Variants in GRAMD2B observed in about 807,000 individuals in gnomAD.
GRAMD2B encodes GRAM domain-containing protein 2B.
A neutral mutation model predicts 59.2 loss-of-function variants in GRAMD2B; 41 were observed. That is an observed-to-expected ratio of 0.69 (90% CI 0.54 to 0.90). The LOEUF (loss-of-function observed/expected upper bound fraction) is 0.90, where lower values mean the gene tolerates loss of function less well. Ranked by LOEUF, GRAMD2B falls within the 40% of genes least tolerant of loss-of-function variation. GRAMD2B has a pLI of 0.00. For missense variants in GRAMD2B, 424 were observed against 500.5 expected (o/e 0.85, Z 1.46); for synonymous variants, 161 against 182.7 (o/e 0.88, Z 0.96).
intron 1 of GRAMD2B, among the ~76,000 whole-genome samples, chr5:126,418,009 T>C (rs1050786289): frequency 2.6e-5 from 4 of 152,114 alleles, no homozygotes; most frequent in African/African-American, 7.2e-5. Flanking sequence ...GCAGGCCAAA[T>C]AGAAATTAAG....
intron 1 of GRAMD2B, among the ~76,000 whole-genome samples, chr5:126,417,657 T>C (rs1474700465): frequency 6.6e-6 from 1 of 152,236 alleles, no homozygotes; most frequent in East Asian, 1.9e-4. Flanking sequence ...TTGAGGTGGT[T>C]AGTTGTACAC....
chr5:126,395,112 T>A (rs546264634), intron 1 of GRAMD2B, among the ~76,000 whole-genome samples: 3 of 152,296 alleles, frequency 2.0e-5, no homozygotes, highest in Admixed American at 6.5e-5. Flanking sequence ...AGAAGATACT[T>A]TTCCTTCAGA....
At chr5:126,403,918 C>A (rs1307522314) in intron 1 of GRAMD2B, among the ~76,000 whole-genome samples, 6 of 151,764 alleles carry the variant, frequency 4.0e-5, no homozygotes, top group African/African-American at 1.5e-4. Flanking sequence ...TTTTTTCAAG[C>A]ATTAGATGTT....
intron 1 of GRAMD2B, among the ~76,000 whole-genome samples, chr5:126,410,954 G>A (rs778913508): frequency 2.0e-5 from 3 of 151,860 alleles, no homozygotes; most frequent in African/African-American, 4.8e-5. Context: ...TTTAAATAGG[G>A]TTATTTGTTT....
intron 10 of GRAMD2B, 62 bp downstream of exon 10, chr5:126,484,586 T>G: frequency 9.4e-7 from 1 of 1,060,318 alleles, no homozygotes. Context: ...GTTTGTAACT[T>G]TTTTTTTTTT....
chr5:126,479,508 G>A (rs1288002176), intron 6 of GRAMD2B, among the ~76,000 whole-genome samples: 1 of 152,182 alleles, frequency 6.6e-6, no homozygotes, highest in African/African-American at 2.4e-5. Flanking sequence ...GTCAGGCCAT[G>A]CACTAATGCT....
intron 1 of GRAMD2B, among the ~76,000 whole-genome samples, chr5:126,411,861 T>TG (rs57626694): frequency 4.7e-4 from 72 of 151,612 alleles, no homozygotes; most frequent in African/African-American, 1.1e-3. Context: ...TGTGTGTGTG[T>TG]TTGTGTGTCT....
At chr5:126,376,703 G>T (rs1755218633) in intron 1 of GRAMD2B, among the ~76,000 whole-genome samples, 1 of 152,134 alleles carries the variant, frequency 6.6e-6, no homozygotes, top group South Asian at 2.1e-4. Context: ...GGAAAATGAG[G>T]TTACTTCTCC....
At chr5:126,411,949 T>G (rs890882235) in intron 1 of GRAMD2B, among the ~76,000 whole-genome samples, 1 of 151,978 alleles carries the variant, frequency 6.6e-6, no homozygotes, top group Admixed American at 6.6e-5. Flanking sequence ...CTGATTTTTG[T>G]ACATTGATTT....
chr5:126,471,509 G>T (rs1430469334), intron 3 of GRAMD2B, among the ~76,000 whole-genome samples: 1 of 152,180 alleles, frequency 6.6e-6, no homozygotes, highest in Non-Finnish European at 1.5e-5. Flanking sequence ...AGCTTTCATG[G>T]TCTTGGGCCT....
chr5:126,415,101 A>G (rs530516842), intron 1 of GRAMD2B, among the ~76,000 whole-genome samples: 25 of 152,334 alleles, frequency 1.6e-4, no homozygotes, highest in Admixed American at 7.8e-4. Context: ...AGCTTGGAAT[A>G]GAGCCCAGTT....
intron 1 of GRAMD2B, among the ~76,000 whole-genome samples, chr5:126,444,244 C>G (rs1252568110): frequency 6.6e-6 from 1 of 152,180 alleles, no homozygotes; most frequent in Non-Finnish European, 1.5e-5. Context: ...CATTATCCCC[C>G]ACTACTGAGC....
At chr5:126,384,107 CTACTT>C (rs1371346747) in intron 1 of GRAMD2B, among the ~76,000 whole-genome samples, 14 of 152,078 alleles carry the variant, frequency 9.2e-5, no homozygotes, top group African/African-American at 2.9e-4. Flanking sequence ...AGAAAAAACT[CTACTT>C]TACTAAAGCA....
intron 1 of GRAMD2B, among the ~76,000 whole-genome samples, chr5:126,385,695 AG>A (rs1474435413): frequency 1.3e-5 from 2 of 152,338 alleles, no homozygotes; most frequent in East Asian, 3.9e-4. Flanking sequence ...CCAGTGTGGC[AG>A]GTTCTTATGT....
intron 1 of GRAMD2B, among the ~76,000 whole-genome samples, chr5:126,414,890 T>C (rs1422515847): frequency 6.6e-6 from 1 of 152,172 alleles, no homozygotes; most frequent in Non-Finnish European, 1.5e-5. Context: ...GAAAATTTTT[T>C]TAAGGTTTTG....
In GRAMD2B at chr5:126,477,256, T is replaced by G. The variant is rs1770798515; in HGVS notation, c.487-436T>G. Among the ~76,000 whole-genome samples, 4 of 152,214 alleles carry G rather than the reference T, an allele frequency of 2.6e-5. No homozygotes were observed. The South Asian group carries it at 8.3e-4, about 32-fold the overall frequency. ...TGAGCCAAGAATTCAGGTCCCAGAT[T>G]TTCTATCCAGTGATGGTCCTATTAT... On this transcript the variant is annotated intron_variant, in intron 5 of 13. Transcript: ENST00000285689.
Position 126,409,770 on chromosome 5 carries a change from A to G in GRAMD2B, c.125+38203A>G, listed in dbSNP as rs1223801366. ...AGACATGAAGTCCTTGCCCATGCCTATGTCCTGAATGGTAATGCCTAGGTT... is the reference window on the plus strand; with the variant it reads ...AGACATGAAGTCCTTGCCCATGCCTGTGTCCTGAATGGTAATGCCTAGGTT... On this transcript the variant is annotated intron_variant, in intron 1 of 8. Transcript: ENST00000506445. Among the ~76,000 whole-genome samples, 3 of 152,228 alleles carry G rather than the reference A, an allele frequency of 2.0e-5. 1 individual carries two copies. Among genetic ancestry groups the G allele is most frequent in the Middle Eastern group, 6.8e-3 (2 of 294 alleles).
chr5:126,411,760 G>T (rs934358676), intron 1 of GRAMD2B, among the ~76,000 whole-genome samples: 4 of 151,706 alleles, frequency 2.6e-5, no homozygotes, highest in African/African-American at 9.7e-5. Flanking sequence ...CCATTTGTTT[G>T]TGTCATTTAT....
At chr5:126,460,563 C>A (rs1340675516) in intron 1 of GRAMD2B, among the ~76,000 whole-genome samples, 1 of 152,194 alleles carries the variant, frequency 6.6e-6, no homozygotes, top group Non-Finnish European at 1.5e-5. Flanking sequence ...GCACTCCATT[C>A]TATTTCCTTC....
Sources: allele counts gnomAD v4.1 joint callset (sites outside exome capture counted in the v4.1 genomes callset), GRCh38; gene constraint gnomAD v4.1.1; transcripts MANE v1.5; gene names NCBI Gene and HGNC (gene_info 2026-07-23, HGNC 2026-07-21).